Variants in GDPD4 observed in about 807,000 individuals in gnomAD.
The protein encoded by GDPD4 is glycerophosphodiester phosphodiesterase 6.
A neutral mutation model predicts 67.8 loss-of-function variants in GDPD4; 60 were observed. The ratio of observed to expected loss-of-function variants is 0.88; its 90% CI spans 0.72 to 1.10. The LOEUF (loss-of-function observed/expected upper bound fraction) is 1.10, where lower values mean the gene tolerates loss of function less well. Ranked by LOEUF, GDPD4 falls within the 50% of genes least tolerant of loss-of-function variation. GDPD4 has a pLI of 0.00. For missense variants in GDPD4, 623 were observed against 613.9 expected, an observed-to-expected ratio of 1.01 and a Z score of -0.16; for synonymous variants, 212 against 210.9, an observed-to-expected ratio of 1.00 and a Z score of -0.04.
At chr11:77,236,948 GAAT>G (rs1187597248) in intron 13 of GDPD4, among the ~76,000 whole-genome samples, 1 of 152,118 alleles carries the variant, frequency 6.6e-6, no homozygotes, top group African/African-American at 2.4e-5. Context: ...TTTGTAAAAA[GAAT>G]AATAATATTT....
intron 12 of GDPD4, among the ~76,000 whole-genome samples, chr11:77,244,176 C>T (rs554686309): frequency 2.6e-5 from 4 of 152,238 alleles, no homozygotes; most frequent in South Asian, 4.2e-4. Flanking sequence ...CTACCACACC[C>T]GGCTAATTTT....
At chr11:77,242,028 G>A (rs1158817308) in intron 13 of GDPD4, among the ~76,000 whole-genome samples, 2 of 152,132 alleles carry the variant, frequency 1.3e-5, no homozygotes, top group African/African-American at 4.8e-5. Flanking sequence ...TAGAATGTTG[G>A]TTACCAAAGG....
chr11:77,295,983 G>A (rs1427595969), intron 1 of GDPD4, among the ~76,000 whole-genome samples: 2 of 151,770 alleles, frequency 1.3e-5, no homozygotes, highest in East Asian at 3.9e-4. Flanking sequence ...CAGGCGCGGT[G>A]GCTCACGCCT....
rs188344748 is a variant in GDPD4, at chr11:77,296,381, C to T, written c.-254+5224G>A. On this transcript the variant is annotated intron_variant, in intron 1 of 16. Coordinates refer to ENST00000315938, the MANE Select transcript of GDPD4 (RefSeq NM_182833.3). ...TGTTGCTCAAGCTGAAGTGGAATGG[C>T]GTGCTCTCGGCTCACTGCAACCTCC... Among the ~76,000 whole-genome samples, 21 of 148,458 alleles carry T rather than the reference C, an allele frequency of 1.4e-4. No homozygotes were observed. In the East Asian group the frequency reaches 3.9e-3, roughly 28 times the overall value.
chr11:77,218,554 G>A (rs1314407602), intron 16 of GDPD4, among the ~76,000 whole-genome samples: 6 of 152,032 alleles, frequency 3.9e-5, no homozygotes, highest in Non-Finnish European at 5.9e-5. Context: ...CCCACCCCAC[G>A]ACAGGCTGTG....
At chr11:77,288,696 G>T (rs1937656883) in intron 1 of GDPD4, among the ~76,000 whole-genome samples, 1 of 151,996 alleles carries the variant, frequency 6.6e-6, no homozygotes, top group Non-Finnish European at 1.5e-5. Flanking sequence ...ATTAGAAAAG[G>T]CAACTGTTAC....
At chr11:77,222,703 T>C (rs1310265677) in intron 16 of GDPD4, among the ~76,000 whole-genome samples, 1 of 152,204 alleles carries the variant, frequency 6.6e-6, no homozygotes, top group Non-Finnish European at 1.5e-5. Context: ...CTGACAATTA[T>C]GTGTCCTGGG....
At chr11:77,270,079 T>C (rs551906752) in intron 7 of GDPD4, 119 bp from the exon 8 acceptor site, 3 of 570,636 alleles carry the variant, frequency 5.3e-6, no homozygotes, top group Non-Finnish European at 9.3e-6. Flanking sequence ...AAACACACAA[T>C]GGCAGCACTA....
At chr11:77,264,650 G>A (rs1163257914) in intron 10 of GDPD4, among the ~76,000 whole-genome samples, 3 of 152,104 alleles carry the variant, frequency 2.0e-5, no homozygotes, top group Admixed American at 6.6e-5. Context: ...AACTTAGTAA[G>A]AGCTCTGAGA....
chr11:77,242,506 A>G (rs1036901031), intron 13 of GDPD4, among the ~76,000 whole-genome samples: 2 of 152,166 alleles, frequency 1.3e-5, no homozygotes, highest in Non-Finnish European at 2.9e-5. Context: ...TACAAAGGAG[A>G]AAACTGACAA....
intron 11 of GDPD4, among the ~76,000 whole-genome samples, chr11:77,253,306 C>A (rs951885156): frequency 6.6e-6 from 1 of 152,132 alleles, no homozygotes; most frequent in East Asian, 1.9e-4. Context: ...AGCTTGGGTG[C>A]CTTGGGATGA....
chr11:77,242,964 A>G (rs1364315328), intron 13 of GDPD4, among the ~76,000 whole-genome samples: 2 of 152,092 alleles, frequency 1.3e-5, no homozygotes, highest in Non-Finnish European at 1.5e-5. Context: ...ATAGATATCT[A>G]TATATTATGT....
intron 10 of GDPD4, among the ~76,000 whole-genome samples, chr11:77,264,444 A>G (rs1232882194): frequency 6.6e-6 from 1 of 152,138 alleles, no homozygotes; most frequent in African/African-American, 2.4e-5. Flanking sequence ...CAACACTTTA[A>G]AGGCAAGAAG....
In GDPD4 at chr11:77,221,568, C is replaced by T. The variant is rs1958224643; in HGVS notation, c.1526-4254G>A. Among the ~76,000 whole-genome samples, 4 of 152,270 alleles carry T rather than the reference C, an allele frequency of 2.6e-5. No homozygotes were observed. In the South Asian group the frequency reaches 6.2e-4, roughly 24 times the overall value. Reference sequence around the variant, plus strand: ...TGAGTGAGTTTCTTAATCCTGAGATCTAATTTGATTGCACTGTGGTCTGAG... The same window carrying T: ...TGAGTGAGTTTCTTAATCCTGAGATTTAATTTGATTGCACTGTGGTCTGAG... On this transcript the variant is annotated intron_variant, in intron 16 of 16. Transcript: ENST00000315938.
intron 14 of GDPD4, among the ~76,000 whole-genome samples, chr11:77,231,046 A>T (rs1474600418): frequency 6.6e-6 from 1 of 152,194 alleles, no homozygotes; most frequent in Non-Finnish European, 1.5e-5. Flanking sequence ...CAAATGAACA[A>T]GGCATCCTAG....
chr11:77,250,416 AT>A (rs1329739235), intron 11 of GDPD4, among the ~76,000 whole-genome samples: 1 of 152,140 alleles, frequency 6.6e-6, no homozygotes. Context: ...AAAAGACAGG[AT>A]TTCACTCTTT....
At chr11:77,223,322 G>GTTTTATCTACCCTTGGTCT (rs1181461690) in intron 16 of GDPD4, among the ~76,000 whole-genome samples, 2 of 152,060 alleles carry the variant, frequency 1.3e-5, no homozygotes, top group African/African-American at 4.8e-5. Context: ...CATCTTTGTG[G>GTTTTATCTACCCTTGGTCT]TTTTATCTAC....
chr11:77,274,129 T>C (rs1276447568), intron 5 of GDPD4, among the ~76,000 whole-genome samples: 1 of 152,244 alleles, frequency 6.6e-6, no homozygotes, highest in Non-Finnish European at 1.5e-5. Context: ...TAATTTATCA[T>C]GGTGTCCCAA....
At chr11:77,269,992 T>A (rs1959200403) in intron 7 of GDPD4, 32 bp from the exon 8 acceptor site, 3 of 1,125,804 alleles carry the variant, frequency 2.7e-6, no homozygotes, top group Non-Finnish European at 1.3e-6. Context: ...AGAAAAGAGT[T>A]CATTATTGTC....
Sources: allele counts gnomAD v4.1 joint callset (sites outside exome capture counted in the v4.1 genomes callset), GRCh38; gene constraint gnomAD v4.1.1; transcripts MANE v1.5; gene names NCBI Gene and HGNC (gene_info 2026-07-23, HGNC 2026-07-21).